The following TNIK variants were observed in gnomAD, a reference collection of about 807,000 sequenced individuals.
TNIK encodes the protein TRAF2 and NCK-interacting protein kinase.
A neutral mutation model predicts 191.3 loss-of-function variants in TNIK; 49 were observed. The ratio of observed to expected loss-of-function variants is 0.26; its 90% CI spans 0.20 to 0.32. TNIK has a LOEUF of 0.32. TNIK is among the 10% of genes least tolerant of loss of function. The probability of loss-of-function intolerance (pLI) is 1.00; values close to 1 mark genes in which losing one functional copy is unlikely to be tolerated. For missense variants in TNIK, 1,155 were observed against 1,702.3 expected (o/e 0.68, Z 5.66); for synonymous variants, 594 against 600.9 (o/e 0.99, Z 0.17).
At chr3:171,260,471 C>T (rs1005519497) in intron 2 of TNIK, among the ~76,000 whole-genome samples, 2 of 152,154 alleles carry the variant, frequency 1.3e-5, no homozygotes, top group African/African-American at 2.4e-5. Flanking sequence ...GAGACACACA[C>T]ATTTTAATGA....
chr3:171,365,644 A>G (rs1253259299), intron 2 of TNIK, among the ~76,000 whole-genome samples: 1 of 152,216 alleles, frequency 6.6e-6, no homozygotes, highest in African/African-American at 2.4e-5. Context: ...ACAGAAAAGT[A>G]ATGAGTTCCA....
At chr3:171,138,475 A>G in intron 14 of TNIK, 96 bp from the exon 15 acceptor site, 2 of 1,153,510 alleles carry the variant, frequency 1.7e-6, no homozygotes, top group Non-Finnish European at 2.3e-6. Context: ...AGGCAAAATA[A>G]TGCTAAATAA....
chr3:171,093,258 C>T (rs1324038671), intron 23 of TNIK, among the ~76,000 whole-genome samples: 1 of 151,984 alleles, frequency 6.6e-6, no homozygotes, highest in African/African-American at 2.4e-5. Context: ...ACATGTGCCA[C>T]CCCCCAAATG....
intron 2 of TNIK, among the ~76,000 whole-genome samples, chr3:171,362,865 A>T (rs1715174948): frequency 6.6e-6 from 1 of 152,156 alleles, no homozygotes; most frequent in Non-Finnish European, 1.5e-5. Context: ...ATGCTCAATT[A>T]CACTCCCAGA....
Position 171,175,322 on chromosome 3 carries a change from C to T in TNIK, c.703G>A (p.Asp235Asn). ...EMAEGAPPLCDMHPMRALFLI... is the reference protein window; with the variant it reads ...EMAEGAPPLCNMHPMRALFLI... ...AAGAGAGCTCTCATGGGGTGCATGTCACAGAGAGCTGCAAGAGACCAAAAC... is the reference window on the plus strand; with the variant it reads ...AAGAGAGCTCTCATGGGGTGCATGTTACAGAGAGCTGCAAGAGACCAAAAC... Residue 235 changes from aspartate to asparagine, a missense_variant, in exon 9 of 33, where the codon GAC (aspartate) becomes AAC (asparagine). Physicochemically the swap from Asp to Asn is conservative, Grantham distance 23 (BLOSUM62 1). This residue lies in a region of TNIK where 225 missense variants were observed against 438.9 expected (regional missense o/e 0.51). Transcript: ENST00000436636. The T allele has an allele frequency of 6.2e-7, 1 of 1,609,974 alleles. No homozygotes were observed. The highest frequency in any genetic ancestry group is 8.5e-7 in the Non-Finnish European group (1 of 1,178,392).
intron 1 of TNIK, among the ~76,000 whole-genome samples, chr3:171,396,798 T>C (rs1278765932): frequency 6.6e-6 from 1 of 152,218 alleles, no homozygotes; most frequent in Non-Finnish European, 1.5e-5. Flanking sequence ...GTTGATTCTT[T>C]TGACTCTCAG....
chr3:171,454,855 C>A (rs934742332), intron 1 of TNIK, among the ~76,000 whole-genome samples: 1 of 152,086 alleles, frequency 6.6e-6, no homozygotes, highest in Non-Finnish European at 1.5e-5. Context: ...AATACTGGGC[C>A]ATTAGTGTAT....
At chr3:171,345,845 C>T (rs1344290575) in intron 2 of TNIK, among the ~76,000 whole-genome samples, 2 of 151,858 alleles carry the variant, frequency 1.3e-5, no homozygotes, top group South Asian at 2.1e-4. Flanking sequence ...GTTTTAGGTG[C>T]TAAGGATGGA....
At chr3:171,446,786 T>A (rs557241317) in intron 1 of TNIK, among the ~76,000 whole-genome samples, 1 of 152,300 alleles carries the variant, frequency 6.6e-6, no homozygotes, top group East Asian at 1.9e-4. Flanking sequence ...TCTTCTATGA[T>A]CATCACAGAG....
chr3:171,405,148 G>T (rs1315108388), intron 1 of TNIK, among the ~76,000 whole-genome samples: 1 of 152,072 alleles, frequency 6.6e-6, no homozygotes, highest in Non-Finnish European at 1.5e-5. Context: ...GTTACTTAAG[G>T]CCACACACTA....
chr3:171,177,253 G>A, intron 8 of TNIK, 73 bp downstream of exon 8: 1 of 1,514,358 alleles, frequency 6.6e-7, no homozygotes, highest in South Asian at 1.2e-5. Flanking sequence ...AGCAACTGCA[G>A]CTCCTGGCAA....
At chr3:171,117,544 T>TA (rs1397489943) in intron 18 of TNIK, among the ~76,000 whole-genome samples, 1 of 107,786 alleles carries the variant, frequency 9.3e-6, no homozygotes, top group Non-Finnish European at 2.0e-5. Context: ...AGATGTTCAT[T>TA]AAATACAGAA....
chr3:171,080,435 A>T (rs1356612885), intron 27 of TNIK, among the ~76,000 whole-genome samples: 2 of 147,632 alleles, frequency 1.4e-5, no homozygotes, highest in African/African-American at 5.2e-5. Flanking sequence ...TTATTTATTT[A>T]TTTATTTATT....
At chr3:171,115,578 T>C (rs1726561666) in intron 18 of TNIK, among the ~76,000 whole-genome samples, 1 of 152,198 alleles carries the variant, frequency 6.6e-6, no homozygotes, top group South Asian at 2.1e-4. Context: ...GCAGGAAGGC[T>C]GGGGAACAGT....
chr3:171,094,526 G>T (rs962803273), intron 22 of TNIK, among the ~76,000 whole-genome samples: 3 of 152,142 alleles, frequency 2.0e-5, no homozygotes, highest in Non-Finnish European at 4.4e-5. Context: ...CCAGTAGCCA[G>T]ACTGAGCAAG....
At chr3:171,083,573 C>G (rs924682413) in intron 26 of TNIK, among the ~76,000 whole-genome samples, 12 of 152,108 alleles carry the variant, frequency 7.9e-5, no homozygotes, top group African/African-American at 1.2e-4. Flanking sequence ...ATCTTTTTCA[C>G]GAGAAAATGC....
intron 2 of TNIK, among the ~76,000 whole-genome samples, chr3:171,251,667 G>A (rs1746239813): frequency 6.6e-6 from 1 of 152,094 alleles, no homozygotes; most frequent in African/African-American, 2.4e-5. Context: ...TATAAATAAT[G>A]TACCCAATTT....
chr3:171,129,352 C>T (rs1253784605), intron 15 of TNIK, among the ~76,000 whole-genome samples: 1 of 152,160 alleles, frequency 6.6e-6, no homozygotes, highest in African/African-American at 2.4e-5. Flanking sequence ...TGCATGCACC[C>T]TGCATTTCTT....
intron 28 of TNIK, among the ~76,000 whole-genome samples, chr3:171,072,803 T>C (rs1298818631): frequency 1.3e-5 from 2 of 151,690 alleles, no homozygotes; most frequent in African/African-American, 4.8e-5. Context: ...CTCAATCCCA[T>C]TTATAATAAC....
Sources: gnomAD v4.1 joint callset for allele counts (sites outside exome capture counted in the v4.1 genomes callset) on GRCh38, gnomAD v4.1.1 for gene constraint, gnomAD v4.1.1 regional missense constraint, MANE v1.5 for transcripts, NCBI Gene and HGNC (gene_info 2026-07-23, HGNC 2026-07-21) for gene names.